Variants in CAMK2D observed in about 807,000 individuals in gnomAD.
CAMK2D encodes the protein calcium/calmodulin-dependent protein kinase type II subunit delta.
CAMK2D carries 37 observed loss-of-function variants against 84.0 expected under a neutral mutation model. That is an observed-to-expected ratio of 0.44 (90% CI 0.34 to 0.58). The LOEUF (loss-of-function observed/expected upper bound fraction) is 0.58, where lower values mean the gene tolerates loss of function less well. CAMK2D is among the 20% of genes least tolerant of loss of function. CAMK2D has a pLI of 0.02. For synonymous variants in CAMK2D, 202 were observed against 212.5 expected (o/e 0.95, Z 0.43); for missense variants, 448 against 652.5 (o/e 0.69, Z 3.41).
At chr4:113,577,540 G>A (rs2068108) in intron 4 of CAMK2D, among the ~76,000 whole-genome samples, 110,061 of 152,004 alleles carry the variant, frequency 0.72, 40,136 homozygotes, top group Middle Eastern at 0.77. Flanking sequence ...TTTATCAAAT[G>A]CCTTGTATTT....
chr4:113,730,037 T>A (rs977958130), intron 2 of CAMK2D, among the ~76,000 whole-genome samples: 6 of 152,154 alleles, frequency 3.9e-5, no homozygotes, highest in African/African-American at 1.4e-4. Flanking sequence ...CCCGTGCACA[T>A]CTTAGGTATA....
intron 2 of CAMK2D, chr4:113,754,808 A>G: frequency 2.0e-6 from 2 of 983,804 alleles, no homozygotes; most frequent in Non-Finnish European, 2.4e-6. Flanking sequence ...ACTAAACGTA[A>G]GTAAAGGATA....
At chr4:113,676,446 C>T (rs1192587744) in intron 2 of CAMK2D, among the ~76,000 whole-genome samples, 3 of 152,160 alleles carry the variant, frequency 2.0e-5, no homozygotes, top group Non-Finnish European at 4.4e-5. Flanking sequence ...TACCAGTCCA[C>T]TGACTCCTCC....
intron 2 of CAMK2D, among the ~76,000 whole-genome samples, chr4:113,707,344 A>C (rs1489045827): frequency 2.0e-5 from 3 of 152,214 alleles, no homozygotes; most frequent in Admixed American, 6.5e-5. Flanking sequence ...AAAAGGATAC[A>C]AGGAGTCAGG....
chr4:113,737,803 T>TTTATCATAA (rs1480345874), intron 2 of CAMK2D, among the ~76,000 whole-genome samples: 1 of 152,138 alleles, frequency 6.6e-6, no homozygotes, highest in Non-Finnish European at 1.5e-5. Context: ...ATAGCATTTA[T>TTTATCATAA]TTATCATAAT....
At chr4:113,479,983 A>T (rs1229040227) in intron 16 of CAMK2D, among the ~76,000 whole-genome samples, 3 of 152,108 alleles carry the variant, frequency 2.0e-5, no homozygotes, top group Admixed American at 2.0e-4. Context: ...TGTTTTAGAG[A>T]TGGAGTCTAA....
chr4:113,489,202 A>C (rs534211675), intron 16 of CAMK2D, among the ~76,000 whole-genome samples: 10 of 151,780 alleles, frequency 6.6e-5, no homozygotes, highest in African/African-American at 2.4e-4. Context: ...GGTTAGTTAC[A>C]TATGTATACA....
chr4:113,710,685 T>C (rs1056121466), intron 2 of CAMK2D, among the ~76,000 whole-genome samples: 2 of 152,224 alleles, frequency 1.3e-5, no homozygotes, highest in Non-Finnish European at 2.9e-5. Context: ...TCTATTGATA[T>C]ATTGCTGCTG....
At chr4:113,599,284 A>G (rs1250189438) in intron 4 of CAMK2D, among the ~76,000 whole-genome samples, 1 of 152,222 alleles carries the variant, frequency 6.6e-6, no homozygotes, top group Non-Finnish European at 1.5e-5. Flanking sequence ...GCAGTGTTTT[A>G]GAAAACTAAA....
chr4:113,731,036 C>T (rs2099567692), intron 2 of CAMK2D, among the ~76,000 whole-genome samples: 1 of 152,162 alleles, frequency 6.6e-6, no homozygotes, highest in South Asian at 2.1e-4. Flanking sequence ...ACTCATATAA[C>T]CCTCAGATTT....
At chr4:113,485,932 C>T (rs1589990117) in intron 16 of CAMK2D, among the ~76,000 whole-genome samples, 1 of 152,288 alleles carries the variant, frequency 6.6e-6, no homozygotes, top group East Asian at 1.9e-4. Flanking sequence ...TCTCCTCTCG[C>T]ACCTTCTTCA....
chr4:113,635,096 T>C (rs115114152), intron 3 of CAMK2D, among the ~76,000 whole-genome samples: 145 of 152,348 alleles, frequency 9.5e-4, no homozygotes, highest in African/African-American at 3.2e-3. Context: ...ATATAATTGA[T>C]TGCTAATGCT....
At chr4:113,617,522 T>C (rs915110810) in intron 3 of CAMK2D, among the ~76,000 whole-genome samples, 6 of 151,730 alleles carry the variant, frequency 4.0e-5, no homozygotes, top group Admixed American at 2.6e-4. Flanking sequence ...CTTACTGTAC[T>C]CTCTGAACCT....
At chr4:113,523,347 C>A (rs780538319) in intron 8 of CAMK2D, among the ~76,000 whole-genome samples, 1 of 151,812 alleles carries the variant, frequency 6.6e-6, no homozygotes, top group Non-Finnish European at 1.5e-5. Context: ...TCACCTGGTG[C>A]GCTTGTTAAA....
At chr4:113,525,119 C>G (rs2098406336) in intron 8 of CAMK2D, among the ~76,000 whole-genome samples, 1 of 152,084 alleles carries the variant, frequency 6.6e-6, no homozygotes, top group Non-Finnish European at 1.5e-5. Context: ...ATTGCTGAAC[C>G]TAAATTCACC....
At chr4:113,565,664 AAAG>A (rs1156389207) in intron 4 of CAMK2D, among the ~76,000 whole-genome samples, 1 of 149,078 alleles carries the variant, frequency 6.7e-6, no homozygotes, top group East Asian at 1.9e-4. Context: ...AAAAAAAAAA[AAAG>A]AAGTCACACA....
At chr4:113,554,775 T>C (rs775969559) in intron 4 of CAMK2D, among the ~76,000 whole-genome samples, 5 of 152,194 alleles carry the variant, frequency 3.3e-5, no homozygotes, top group Non-Finnish European at 5.9e-5. Context: ...TACTGTGCTT[T>C]GTGAAATTTC....
chr4:113,752,555 G>C (rs1294673274), intron 2 of CAMK2D, among the ~76,000 whole-genome samples: 2 of 152,176 alleles, frequency 1.3e-5, no homozygotes, highest in Admixed American at 1.3e-4. Context: ...AGATGAACCA[G>C]AAGAGTAGAA....
chr4:113,548,654 G>A, intron 5 of CAMK2D: 1 of 1,454,638 alleles, frequency 6.9e-7, no homozygotes, highest in Non-Finnish European at 9.6e-7. Context: ...TCCATATACT[G>A]ACCTTCAGGT....
Sources: allele counts gnomAD v4.1 joint callset (sites outside exome capture counted in the v4.1 genomes callset), GRCh38; gene constraint gnomAD v4.1.1; transcripts MANE v1.5; gene names NCBI Gene and HGNC (gene_info 2026-07-23, HGNC 2026-07-21).